The following ADGRV1 variants were observed in gnomAD, a reference collection of about 807,000 sequenced individuals.
ADGRV1 encodes the protein G-protein coupled receptor 98.
ADGRV1 carries 359 observed loss-of-function variants against 596.2 expected under a neutral mutation model. The ratio of observed to expected loss-of-function variants is 0.60; its 90% CI spans 0.55 to 0.66. The LOEUF (loss-of-function observed/expected upper bound fraction) is 0.66, where lower values mean the gene tolerates loss of function less well. Among genes scored for constraint, ADGRV1 ranks in the 30% least tolerant of loss-of-function variants. ADGRV1 has a pLI of 0.00. For synonymous variants in ADGRV1, 2,681 were observed against 2,679.2 expected (o/e 1.00, Z -0.02); for missense variants, 7,274 against 7,575.6 (o/e 0.96, Z 1.48).
chr5:90,971,772 G>A (rs550807204), intron 84 of ADGRV1, among the ~76,000 whole-genome samples: 12 of 152,270 alleles, frequency 7.9e-5, no homozygotes, highest in African/African-American at 2.9e-4. Flanking sequence ...GACCATCGAT[G>A]CTAGGAAGAA....
chr5:91,122,654 G>A (rs955068083), intron 87 of ADGRV1, among the ~76,000 whole-genome samples: 2 of 152,170 alleles, frequency 1.3e-5, no homozygotes, highest in East Asian at 3.9e-4. Context: ...AAGGCAGAGG[G>A]TAGGCTGGCA....
chr5:90,587,948 A>C (rs574083813), intron 1 of ADGRV1, among the ~76,000 whole-genome samples: 1 of 152,352 alleles, frequency 6.6e-6, no homozygotes, highest in South Asian at 2.1e-4. Context: ...ACGTGGTTTC[A>C]AAATGTATAT....
intron 85 of ADGRV1, among the ~76,000 whole-genome samples, chr5:91,071,625 A>G (rs982034533): frequency 2.0e-5 from 3 of 152,066 alleles, no homozygotes; most frequent in Admixed American, 6.6e-5. Context: ...TTGACAACTA[A>G]CTTTTGTTGC....
At chr5:90,982,824 C>T (rs528386864) in intron 84 of ADGRV1, among the ~76,000 whole-genome samples, 10 of 152,266 alleles carry the variant, frequency 6.6e-5, no homozygotes, top group Admixed American at 5.9e-4. Context: ...ACACTGAGCG[C>T]ACTCTGCATG....
Position 90,724,873 on chromosome 5 carries a change from G to T in ADGRV1, c.9790G>T (p.Asp3264Tyr), listed in dbSNP as rs1329678824. ...VVFSVFQSFL[D>Y]ESASGWCFFT... ...GTTTTCCGTATTTCAAAGTTTTTTGGATGAATCAGCTTCTGGCTGGTGTTT... is the reference window on the plus strand; with the variant it reads ...GTTTTCCGTATTTCAAAGTTTTTTGTATGAATCAGCTTCTGGCTGGTGTTT... Residue 3264 changes from aspartate (D) to tyrosine (Y), a missense_variant, in exon 46 of 90, where the codon GAT becomes TAT. This residue lies in a region of ADGRV1 where 3,643 missense variants were observed against 3,809.2 expected (regional missense o/e 0.96). Coordinates refer to ENST00000405460, the MANE Select transcript of ADGRV1 (RefSeq NM_032119.4). 2 of 1,613,116 alleles carry T rather than the reference G, an allele frequency of 1.2e-6. No individual in the cohort carries two copies. The highest frequency in any genetic ancestry group is 3.3e-5 in the Admixed American group (2 of 60,008).
intron 83 of ADGRV1, among the ~76,000 whole-genome samples, chr5:90,868,994 C>T (rs1455642131): frequency 1.3e-5 from 2 of 151,976 alleles, no homozygotes; most frequent in Non-Finnish European, 2.9e-5. Context: ...ATCATATGTA[C>T]AATATTAAGA....
rs762820604 is a variant in ADGRV1 at position 90,810,686 on chromosome 5, G to A, written c.15426G>A (p.Val5142=). 3.1e-6 allele frequency: 5 copies of A among 1,613,712 alleles called. No individual in the cohort carries two copies. In the South Asian group the frequency reaches 5.5e-5, roughly 18 times the overall value. The change falls in exon 74 of 90, where the codon GTG becomes GTA. Residue 5142 remains valine (V), a synonymous_variant. Transcript: ENST00000405460. ...GMDISFPETT[V]AVAVDTTLIP... ...ATATTTCCTTCCCCGAGACAACTGT[G>A]GCTGTAGCAGTTGACACAACTCTCA...
intron 87 of ADGRV1, among the ~76,000 whole-genome samples, chr5:91,116,110 T>A (rs1231796929): frequency 4.6e-5 from 7 of 152,202 alleles, no homozygotes; most frequent in African/African-American, 1.7e-4. Flanking sequence ...ATAAAGAGCA[T>A]GAATTCAAAT....
At chr5:90,821,185 C>A (rs1350262109) in intron 75 of ADGRV1, among the ~76,000 whole-genome samples, 1 of 151,436 alleles carries the variant, frequency 6.6e-6, no homozygotes, top group African/African-American at 2.4e-5. Context: ...ATTGCTGATA[C>A]CCTTTCTTCC....
In ADGRV1 at chr5:90,810,630, A is replaced by G. The variant is rs1434514422; in HGVS notation, c.15370A>G (p.Ile5124Val). ...AGATTTCAGTGTTGCAGTGATTACA[A>G]TATTGGATAATGATGACCTGGCAGG... is the stretch of plus-strand genomic sequence containing the variant. ...NLDFSVAVIT[I>V]LDNDDLAGMD... Residue 5124 changes from isoleucine (I) to valine (V), a missense_variant, in exon 74 of 90, where the codon ATA becomes GTA. Coordinates refer to ENST00000405460, the MANE Select transcript of ADGRV1 (RefSeq NM_032119.4). The G allele has an allele frequency of 1.9e-6, 3 of 1,613,950 alleles. No homozygotes were observed. Among genetic ancestry groups the G allele is most frequent in the Non-Finnish European group, 2.5e-6 (3 of 1,179,882 alleles).
chr5:90,847,469 A>C (rs1581306691), intron 78 of ADGRV1, among the ~76,000 whole-genome samples: 1 of 152,318 alleles, frequency 6.6e-6, no homozygotes, highest in South Asian at 2.1e-4. Flanking sequence ...TGGATCCCGC[A>C]CCAGGGCTGC....
chr5:90,781,222 A>G lies in ADGRV1; in HGVS notation c.13083-208A>G, dbSNP rs1400760148. 5.2e-6 allele frequency: 3 copies of G among 576,920 alleles called. No individual in the cohort carries two copies. In the African/African-American group the frequency reaches 5.6e-5, roughly 11 times the overall value. The allele number at this position is 576,920 out of a possible 1,614,324, so 35.7% of individuals were successfully genotyped here. A position where few individuals can be genotyped will look rare whatever the true frequency, so the allele number is the denominator to read the frequency against. Reference sequence around the variant, plus strand: ...TTAGTTTTGGCTTCGTACAGGCACCACTCATTGGGAGCAACACAGAAATCT... The same window carrying G: ...TTAGTTTTGGCTTCGTACAGGCACCGCTCATTGGGAGCAACACAGAAATCT... On this transcript the variant is annotated intron_variant, in intron 64 of 89. Coordinates refer to ENST00000405460, the MANE Select transcript of ADGRV1 (RefSeq NM_032119.4).
chr5:90,746,415 G>A (rs1470775787), intron 52 of ADGRV1, among the ~76,000 whole-genome samples: 5 of 152,082 alleles, frequency 3.3e-5, no homozygotes, highest in Non-Finnish European at 7.4e-5. Flanking sequence ...AGTCCTTTTG[G>A]TAAAGTGAAT....
chr5:90,687,042 G>A (rs751756555), intron 29 of ADGRV1, among the ~76,000 whole-genome samples: 155 of 152,074 alleles, frequency 1.0e-3, no homozygotes, highest in South Asian at 2.5e-3. Context: ...CATGTCCTTT[G>A]CCCACTTTTT....
intron 83 of ADGRV1, among the ~76,000 whole-genome samples, chr5:90,937,544 G>C (rs1375797964): frequency 6.9e-6 from 1 of 144,902 alleles, no homozygotes; most frequent in Non-Finnish European, 1.5e-5. Context: ...TGCAAGCTCC[G>C]CCTCCCGGGT....
At chr5:90,823,269 T>A (rs1216674135) in intron 75 of ADGRV1, among the ~76,000 whole-genome samples, 156 bp from the exon 76 acceptor site, 1 of 152,222 alleles carries the variant, frequency 6.6e-6, no homozygotes. Context: ...TTGGTCATTT[T>A]CTGCATCATC....
Position 90,653,289 on chromosome 5 carries a change from T to C in ADGRV1, c.3715T>C (p.Phe1239Leu). ...TVMVPFNDDP[F>L]GVFILDPECL... ...AATGGTTCCATTCAATGATGATCCC[T>C]TTGGAGTTTTTATCTTGGATCCAGA... is the stretch of plus-strand genomic sequence containing the variant. Residue 1239 changes from phenylalanine to leucine, a missense_variant, in exon 20 of 90, where the codon TTT becomes CTT. Phe to Leu is a conservative substitution (Grantham distance 22). Around this residue, in one of 5 missense-constraint regions of ADGRV1, gnomAD observed 1,715 missense variants for 1,708.8 expected, o/e 1.00. Coordinates refer to ENST00000405460, the MANE Select transcript of ADGRV1 (RefSeq NM_032119.4). The C allele has an allele frequency of 1.2e-6, 2 of 1,613,902 alleles. No individual in the cohort carries two copies. The highest frequency in any genetic ancestry group is 1.7e-6 in the Non-Finnish European group (2 of 1,179,836).
In ADGRV1 at chr5:90,672,693, A is replaced by G; in HGVS notation, c.4900A>G (p.Ile1634Val). The G allele has an allele frequency of 6.2e-7, 1 of 1,613,128 alleles. No homozygotes were observed. Among genetic ancestry groups the G allele is most frequent in the Non-Finnish European group, 8.5e-7 (1 of 1,179,398 alleles). Reference protein sequence around the residue: ...VDDFANASGTITFLPWQRSEV... With the variant: ...VDDFANASGTVTFLPWQRSEV... The stretch of plus-strand genomic sequence containing the variant: ...TGACTTTGCTAATGCCAGTGGAACT[A>G]TTACATTCCTTCCTTGGCAGAGATC... The change falls in exon 22 of 90, where the codon ATT (isoleucine) becomes GTT (valine). Residue 1634 changes from isoleucine to valine, a missense_variant. Coordinates refer to ENST00000405460, the MANE Select transcript of ADGRV1 (RefSeq NM_032119.4).
At chr5:90,794,038 C>T (rs969857934) in intron 70 of ADGRV1, among the ~76,000 whole-genome samples, 5 of 152,086 alleles carry the variant, frequency 3.3e-5, no homozygotes, top group African/African-American at 7.2e-5. Flanking sequence ...CCCTCTCACC[C>T]GGTATATAAC....
Sources: allele counts gnomAD v4.1 joint callset (sites outside exome capture counted in the v4.1 genomes callset), GRCh38; gene constraint gnomAD v4.1.1; regional missense constraint gnomAD v4.1.1; transcripts MANE v1.5; gene names NCBI Gene and HGNC (gene_info 2026-07-23, HGNC 2026-07-21).